MARCHF3: variants seen among roughly 807,000 people sequenced by gnomAD.
MARCHF3 encodes membrane associated ring-CH-type finger 3, also known as E3 ubiquitin-protein ligase MARCHF3.
In MARCHF3, 13 loss-of-function variants were observed where a neutral mutation model predicts 24.2. The observed-to-expected ratio is 0.54, with a 90% CI of 0.35 to 0.85. The LOEUF is 0.85. MARCHF3 is among the 40% of genes least tolerant of loss of function. The pLI is 0.01. For missense variants in MARCHF3, 276 were observed against 325.0 expected (o/e 0.85, Z 1.16); for synonymous variants, 144 against 137.3 (o/e 1.05, Z -0.34).
intron 4 of MARCHF3, among the ~76,000 whole-genome samples, chr5:126,875,305 G>A (rs1253258309): frequency 6.6e-6 from 1 of 152,166 alleles, no homozygotes; most frequent in Non-Finnish European, 1.5e-5. Context: ...CTCCATGAGG[G>A]TGTGTCAAGG....
intron 3 of MARCHF3, among the ~76,000 whole-genome samples, chr5:126,882,449 A>G (rs1338735199): frequency 6.6e-6 from 1 of 152,174 alleles, no homozygotes; most frequent in Non-Finnish European, 1.5e-5. Context: ...TCTCAGCTAC[A>G]TTATCATGCA....
chr5:127,023,668 T>G (rs1272322005), intron 1 of MARCHF3, among the ~76,000 whole-genome samples: 1 of 151,224 alleles, frequency 6.6e-6, no homozygotes, highest in African/African-American at 2.4e-5. Flanking sequence ...GAGGTGGAGG[T>G]TGCAGTGAGC....
intron 3 of MARCHF3, among the ~76,000 whole-genome samples, chr5:126,895,311 C>G (rs1292517192): frequency 1.3e-5 from 2 of 152,278 alleles, no homozygotes; most frequent in Admixed American, 6.6e-5. Flanking sequence ...CTCTCAGCTC[C>G]TCAAAGTCAT....
Position 126,920,367 on chromosome 5 carries a change from A to G in MARCHF3, c.-56-2140T>C, listed in dbSNP as rs1409567115. ...GGCCTGCCCTTACAAAACTCCATTG[A>G]CATGATTTTAAATTCTCATAATGCT... On this transcript the variant is annotated intron_variant, in intron 1 of 4. Transcript: ENST00000308660. 6.6e-5 allele frequency among the ~76,000 whole-genome samples: 10 copies of G among 152,262 alleles called. No homozygotes were observed. In the South Asian group the frequency reaches 2.1e-3, roughly 32 times the overall value.
intron 3 of MARCHF3, among the ~76,000 whole-genome samples, chr5:126,901,716 C>G (rs1436747980): frequency 6.6e-6 from 1 of 152,158 alleles, no homozygotes; most frequent in Non-Finnish European, 1.5e-5. Context: ...TTCTATAACT[C>G]TGCTTCTGAA....
intron 1 of MARCHF3, among the ~76,000 whole-genome samples, chr5:127,002,925 A>G (rs1752175758): frequency 6.6e-6 from 1 of 152,186 alleles, no homozygotes; most frequent in African/African-American, 2.4e-5. Context: ...CTGTTACTAC[A>G]ATAGTGTACG....
At chr5:126,889,656 C>T (rs781125880) in intron 3 of MARCHF3, among the ~76,000 whole-genome samples, 2 of 152,196 alleles carry the variant, frequency 1.3e-5, no homozygotes, top group Non-Finnish European at 2.9e-5. Flanking sequence ...CTTGGATTTG[C>T]AGTCCCTATA....
intron 3 of MARCHF3, among the ~76,000 whole-genome samples, chr5:126,899,781 G>T (rs1165130422): frequency 1.3e-5 from 2 of 152,054 alleles, no homozygotes; most frequent in East Asian, 3.9e-4. Flanking sequence ...GCAGTTTTTG[G>T]TTCACAGCAA....
chr5:127,021,063 G>T (rs962427192), intron 1 of MARCHF3, among the ~76,000 whole-genome samples: 26 of 151,956 alleles, frequency 1.7e-4, no homozygotes, highest in African/African-American at 6.0e-4. Flanking sequence ...CTATTTATAA[G>T]TTACTTGATC....
chr5:126,993,557 C>G (rs1446819112), intron 1 of MARCHF3, among the ~76,000 whole-genome samples: 1 of 152,130 alleles, frequency 6.6e-6, no homozygotes, highest in Non-Finnish European at 1.5e-5. Flanking sequence ...TGGAGGACCT[C>G]GGAAATAACT....
intron 1 of MARCHF3, among the ~76,000 whole-genome samples, chr5:127,020,668 T>C (rs1452995802): frequency 1.3e-5 from 2 of 152,020 alleles, no homozygotes; most frequent in African/African-American, 2.4e-5. Flanking sequence ...CTGAGCAACA[T>C]GGTGAAACCA....
chr5:127,015,836 AGTTTT>A (rs1752623190), intron 1 of MARCHF3, among the ~76,000 whole-genome samples: 1 of 152,170 alleles, frequency 6.6e-6, no homozygotes. Context: ...AGAATTCATA[AGTTTT>A]AAACTGTGCA....
At chr5:127,025,588 ACC>A (rs1327033464) in intron 1 of MARCHF3, among the ~76,000 whole-genome samples, 1 of 152,090 alleles carries the variant, frequency 6.6e-6, no homozygotes, top group African/African-American at 2.4e-5. Context: ...TCCTTCTGTA[ACC>A]CAGGATGCTG....
At chr5:127,025,039 A>G (rs1210052360) in intron 1 of MARCHF3, among the ~76,000 whole-genome samples, 1 of 152,222 alleles carries the variant, frequency 6.6e-6, no homozygotes, top group Non-Finnish European at 1.5e-5. Context: ...CATTAGATCA[A>G]TGGTGGTCCA....
intron 1 of MARCHF3, among the ~76,000 whole-genome samples, chr5:126,943,157 G>C (rs1206538412): frequency 6.6e-6 from 1 of 152,150 alleles, no homozygotes. Context: ...AGCCTGGCCT[G>C]GTGGCAGGCG....
intron 1 of MARCHF3, among the ~76,000 whole-genome samples, chr5:126,924,109 C>G (rs1339102676): frequency 6.6e-6 from 1 of 152,160 alleles, no homozygotes; most frequent in Non-Finnish European, 1.5e-5. Flanking sequence ...CCATGAGGAC[C>G]TAGCACTTTT....
chr5:127,001,151 T>TTA (rs1752116581), intron 1 of MARCHF3, among the ~76,000 whole-genome samples: 4 of 151,954 alleles, frequency 2.6e-5, no homozygotes, highest in Non-Finnish European at 5.9e-5. Context: ...GGCAGGAGGA[T>TTA]TGCTTGAACC....
intron 1 of MARCHF3, among the ~76,000 whole-genome samples, chr5:126,995,239 T>C (rs970943359): frequency 7.2e-5 from 11 of 152,230 alleles, no homozygotes; most frequent in African/African-American, 2.7e-4. Context: ...CTGTTATTCT[T>C]GGACACACAG....
intron 1 of MARCHF3, among the ~76,000 whole-genome samples, chr5:126,973,118 C>T (rs376040827): frequency 1.4e-4 from 21 of 152,190 alleles, no homozygotes; most frequent in African/African-American, 5.1e-4. Context: ...CAATATCTCC[C>T]TTGAGAAGCA....
Sources: allele counts gnomAD v4.1 joint callset (sites outside exome capture counted in the v4.1 genomes callset), GRCh38; gene constraint gnomAD v4.1.1; transcripts MANE v1.5; gene names NCBI Gene and HGNC (gene_info 2026-07-23, HGNC 2026-07-21).